PPP1R12B: variants seen among roughly 807,000 people sequenced by gnomAD.
PPP1R12B encodes myosin phosphatase target subunit 2.
A neutral mutation model predicts 126.1 loss-of-function variants in PPP1R12B; 76 were observed. The observed-to-expected ratio is 0.60, with a 90% CI of 0.50 to 0.73. The LOEUF (loss-of-function observed/expected upper bound fraction) is 0.73. Among genes scored for constraint, PPP1R12B ranks in the 30% least tolerant of loss-of-function variants. The probability of loss-of-function intolerance (pLI) is 0.00; values close to 1 mark genes in which losing one functional copy is unlikely to be tolerated. For missense variants in PPP1R12B, 1,052 were observed against 1,205.1 expected (o/e 0.87, Z 1.88); for synonymous variants, 356 against 434.7 (o/e 0.82, Z 2.25).
intron 18 of PPP1R12B, among the ~76,000 whole-genome samples, chr1:202,529,944 A>C (rs929126016): frequency 6.6e-6 from 1 of 152,184 alleles, no homozygotes; most frequent in African/African-American, 2.4e-5. Flanking sequence ...ATTTGAGGAA[A>C]CTATCTCCCT....
Position 202,505,069 on chromosome 1 carries a change from C to T in PPP1R12B, c.2490+8247C>T, listed in dbSNP as rs1227751424. Among the ~76,000 whole-genome samples, 3 of 152,042 alleles carry T rather than the reference C, an allele frequency of 2.0e-5. No homozygotes were observed. The South Asian group carries it at 6.2e-4, about 31-fold the overall frequency. ...TTATTTGGAGAGTCACAGAAGTAGC[C>T]CCAAATCTTCTATAACTCCAACATG... On this transcript the variant is annotated intron_variant, in intron 18 of 23. Transcript: ENST00000608999.
At chr1:202,537,852 G>C (rs1186068406) in intron 18 of PPP1R12B, among the ~76,000 whole-genome samples, 1 of 152,168 alleles carries the variant, frequency 6.6e-6, no homozygotes, top group South Asian at 2.1e-4. Context: ...TAGTATTTAG[G>C]TTTACATCAG....
chr1:202,491,208 TCTGCCTCAGGGTTCAAGCAATTCTC>T (rs1441963032), intron 14 of PPP1R12B, among the ~76,000 whole-genome samples: 97 of 152,190 alleles, frequency 6.4e-4, no homozygotes, highest in African/African-American at 2.2e-3. Context: ...CACTGCAACT[TCTGCCTCAGGGTTCAAGCAATTCTC>T]CTGCCTCAGG....
chr1:202,430,810 A>C lies in PPP1R12B; in HGVS notation c.1001A>C (p.Asn334Thr). ...NSKIQSGFFKNKEKMLYEEET... is the reference protein window; with the variant it reads ...NSKIQSGFFKTKEKMLYEEET... ...AAGATTCAGAGTGGGTTCTTTAAGA[A>C]GTAAGACATTTAGGCTTGAGTAATG... is the stretch of plus-strand genomic sequence containing the variant. Residue 334 changes from asparagine to threonine, a missense_variant and splice_region_variant, in exon 7 of 24, where the codon AAC becomes ACC. Coordinates refer to ENST00000608999, the MANE Select transcript of PPP1R12B (RefSeq NM_002481.4). 1 of 1,611,710 alleles carries C rather than the reference A, an allele frequency of 6.2e-7. No individual in the cohort carries two copies. Among genetic ancestry groups the C allele is most frequent in the African/African-American group, 1.3e-5 (1 of 74,990 alleles).
intron 2 of PPP1R12B, chr1:202,417,455 A>G (rs1217575009): frequency 9.3e-6 from 9 of 970,976 alleles, no homozygotes; most frequent in Non-Finnish European, 9.8e-6. Context: ...ATTTAATAAG[A>G]TACATTAGGA....
chr1:202,439,159 C>A, intron 10 of PPP1R12B: 1 of 1,580,120 alleles, frequency 6.3e-7, no homozygotes, highest in African/African-American at 1.3e-5. Flanking sequence ...AGTGTCTGAA[C>A]AACCTGGCGG....
At chr1:202,364,714 C>T (rs965935397) in intron 1 of PPP1R12B, among the ~76,000 whole-genome samples, 1 of 152,064 alleles carries the variant, frequency 6.6e-6, no homozygotes, top group Non-Finnish European at 1.5e-5. Context: ...GTAGCTGGGA[C>T]TACAGGCGCC....
intron 13 of PPP1R12B, among the ~76,000 whole-genome samples, chr1:202,466,940 C>CT (rs1486967419): frequency 6.6e-6 from 1 of 152,012 alleles, no homozygotes; most frequent in Non-Finnish European, 1.5e-5. Flanking sequence ...AACTAGAAGG[C>CT]TTTTCATTCT....
intron 1 of PPP1R12B, among the ~76,000 whole-genome samples, chr1:202,387,707 A>G (rs368486718): frequency 6.6e-6 from 1 of 152,284 alleles, no homozygotes; most frequent in East Asian, 1.9e-4. Flanking sequence ...GTTTCTGCCT[A>G]TCCCTTCAGA....
At chr1:202,501,506 T>C (rs562670591) in intron 18 of PPP1R12B, among the ~76,000 whole-genome samples, 4 of 152,278 alleles carry the variant, frequency 2.6e-5, no homozygotes, top group African/African-American at 7.2e-5. Context: ...AGAAAAGATA[T>C]TGGTGAGCAG....
At chr1:202,473,423 A>AT (rs1408022853) in intron 13 of PPP1R12B, among the ~76,000 whole-genome samples, 1 of 152,148 alleles carries the variant, frequency 6.6e-6, no homozygotes, top group African/African-American at 2.4e-5. Context: ...AGCTGTTGGC[A>AT]TTTGCTAGCT....
chr1:202,435,811 C>A (rs1197688095), intron 9 of PPP1R12B, among the ~76,000 whole-genome samples: 3 of 152,104 alleles, frequency 2.0e-5, no homozygotes, highest in Non-Finnish European at 2.9e-5. Context: ...AGAACAAAGG[C>A]CTGGCTACTT....
At chr1:202,422,501 A>G (rs1032546561) in intron 2 of PPP1R12B, 119 bp from the exon 3 acceptor site, 6 of 821,496 alleles carry the variant, frequency 7.3e-6, no homozygotes, top group African/African-American at 3.4e-5. Flanking sequence ...GGAATATCTT[A>G]ACTGAGACCA....
intron 3 of PPP1R12B, among the ~76,000 whole-genome samples, chr1:202,424,592 G>A (rs1473717978): frequency 6.6e-6 from 1 of 152,024 alleles, no homozygotes; most frequent in Non-Finnish European, 1.5e-5. Flanking sequence ...CAAAGTGCTG[G>A]GATTACAGGC....
rs576683929 is a variant in PPP1R12B, at chr1:202,363,423, G to A, written c.291+14281G>A. ...ATTATCTACACATTTACCTTTGTAT[G>A]TTTTAAGATAATCAAGACCTTGTCA... On this transcript the variant is annotated intron_variant, in intron 1 of 23. Transcript: ENST00000608999. 9.9e-4 allele frequency among the ~76,000 whole-genome samples: 151 copies of A among 152,318 alleles called. 2 individuals carry two copies. Among genetic ancestry groups the A allele is most frequent in the Admixed American group, 1.0e-3 (16 of 15,288 alleles).
At chr1:202,509,666 G>C (rs1681210119) in intron 18 of PPP1R12B, among the ~76,000 whole-genome samples, 1 of 152,164 alleles carries the variant, frequency 6.6e-6, no homozygotes. Flanking sequence ...CACTTTAATT[G>C]CTTGTTGTCA....
chr1:202,366,894 A>G (rs1046873822), intron 1 of PPP1R12B, among the ~76,000 whole-genome samples: 2 of 152,200 alleles, frequency 1.3e-5, no homozygotes, highest in African/African-American at 2.4e-5. Flanking sequence ...AGAAGGGGCT[A>G]TTTCATGGAG....
At chr1:202,353,015 C>G (rs1025698104) in intron 1 of PPP1R12B, among the ~76,000 whole-genome samples, 1 of 152,174 alleles carries the variant, frequency 6.6e-6, no homozygotes, top group African/African-American at 2.4e-5. Context: ...CTAGAGTTGC[C>G]TCAGTCTGAC....
chr1:202,564,192 C>T (rs1687829184), intron 20 of PPP1R12B, among the ~76,000 whole-genome samples: 1 of 152,116 alleles, frequency 6.6e-6, no homozygotes, highest in Non-Finnish European at 1.5e-5. Context: ...GAAAATGTCC[C>T]ATAGTAATGA....
Sources: gnomAD v4.1 joint callset for allele counts (sites outside exome capture counted in the v4.1 genomes callset) on GRCh38, gnomAD v4.1.1 for gene constraint, MANE v1.5 for transcripts, NCBI Gene and HGNC (gene_info 2026-07-23, HGNC 2026-07-21) for gene names.